The following SASH1 variants were observed in gnomAD, a reference collection of about 807,000 sequenced individuals.
The protein encoded by SASH1 is SAM and SH3 domain-containing protein 1.
A neutral mutation model predicts 125.2 loss-of-function variants in SASH1; 44 were observed. The ratio of observed to expected loss-of-function variants is 0.35; its 90% CI spans 0.28 to 0.45. The LOEUF is 0.45. Ranked by LOEUF, SASH1 falls within the 20% of genes least tolerant of loss-of-function variation. The probability of loss-of-function intolerance (pLI) is 1.00; values close to 1 mark genes in which losing one functional copy is unlikely to be tolerated. For synonymous variants in SASH1, 639 were observed against 649.1 expected, an observed-to-expected ratio of 0.98 and a Z score of 0.24; for missense variants, 1,426 against 1,614.5, an observed-to-expected ratio of 0.88 and a Z score of 2.00.
the SASH1 span, among the ~76,000 whole-genome samples, chr6:148,226,582 T>C: frequency 6.6e-6 from 1 of 152,280 alleles, no homozygotes; most frequent in African/African-American, 2.4e-5. Context: ...GTGGGGCACC[T>C]CCGGGGTTGG....
intron 7 of SASH1, among the ~76,000 whole-genome samples, chr6:148,478,325 G>A (rs1055051581): frequency 6.6e-6 from 1 of 152,066 alleles, no homozygotes; most frequent in African/African-American, 2.4e-5. Flanking sequence ...ACATATACAC[G>A]GTGGAACACT....
chr6:148,477,749 G>A (rs935328504), intron 7 of SASH1, among the ~76,000 whole-genome samples: 36 of 129,992 alleles, frequency 2.8e-4, no homozygotes, highest in Admixed American at 2.6e-3. Context: ...CCAGGTTGGA[G>A]TGCAATGGTG....
intron 8 of SASH1, among the ~76,000 whole-genome samples, chr6:148,505,783 A>C (rs1230536058): frequency 6.6e-6 from 1 of 151,806 alleles, no homozygotes; most frequent in East Asian, 1.9e-4. Flanking sequence ...GATTACAGGC[A>C]TGTGCCACCA....
chr6:148,419,522 C>G (rs1156385909), intron 2 of SASH1, among the ~76,000 whole-genome samples: 1 of 152,160 alleles, frequency 6.6e-6, no homozygotes, highest in Non-Finnish European at 1.5e-5. Flanking sequence ...ACAATCATAT[C>G]TCTAGGTTCA....
intron 7 of SASH1, among the ~76,000 whole-genome samples, chr6:148,485,901 G>A (rs1163640308): frequency 2.0e-5 from 3 of 152,124 alleles, no homozygotes; most frequent in African/African-American, 7.2e-5. Flanking sequence ...TTTGATCACT[G>A]TCTTAAATTC....
intron 16 of SASH1, among the ~76,000 whole-genome samples, chr6:148,538,925 G>T (rs1030898323): frequency 1.3e-5 from 2 of 152,160 alleles, no homozygotes; most frequent in Admixed American, 1.3e-4. Context: ...TACTTACTCT[G>T]CATAATAATG....
At chr6:148,206,600 G>T in the SASH1 span, among the ~76,000 whole-genome samples, 2 of 152,014 alleles carry the variant, frequency 1.3e-5, no homozygotes, top group African/African-American at 4.8e-5. Flanking sequence ...GACCAACCTG[G>T]CCAACATGGT....
intron 1 of SASH1, among the ~76,000 whole-genome samples, chr6:148,389,659 C>T (rs1167962321): frequency 6.6e-6 from 1 of 152,178 alleles, no homozygotes; most frequent in Non-Finnish European, 1.5e-5. Flanking sequence ...GGGAGGGGTC[C>T]TGACATCTCT....
chr6:148,505,633 TG>T (rs1268630746), intron 8 of SASH1, among the ~76,000 whole-genome samples: 2 of 148,816 alleles, frequency 1.3e-5, no homozygotes, highest in African/African-American at 5.0e-5. Context: ...TTTTTGTTGT[TG>T]TTTTTTTTTT....
chr6:148,315,021 G>T (rs9322142), intron 1 of SASH1, among the ~76,000 whole-genome samples: 42,755 of 152,026 alleles, frequency 0.28, 6,226 homozygotes, highest in African/African-American at 0.38. Context: ...GCCTCCCAAA[G>T]TGCTGGGATT....
At chr6:148,334,588 G>T (rs1332495558) in intron 1 of SASH1, among the ~76,000 whole-genome samples, 2 of 152,016 alleles carry the variant, frequency 1.3e-5, no homozygotes, top group Non-Finnish European at 2.9e-5. Context: ...GAGGCAGGCG[G>T]ATCACCTGAG....
chr6:148,234,070 C>A, the SASH1 span, among the ~76,000 whole-genome samples: 1 of 151,916 alleles, frequency 6.6e-6, no homozygotes, highest in African/African-American at 2.4e-5. Flanking sequence ...CAGGGTCTCA[C>A]TCTGTAGCCC....
the SASH1 span, among the ~76,000 whole-genome samples, chr6:148,247,786 A>C: frequency 6.6e-6 from 1 of 152,236 alleles, no homozygotes; most frequent in Non-Finnish European, 1.5e-5. Context: ...CTAAAACCGA[A>C]TGTTAAGTTA....
intron 2 of SASH1, among the ~76,000 whole-genome samples, chr6:148,414,924 G>A (rs1179641009): frequency 1.3e-5 from 2 of 152,126 alleles, no homozygotes; most frequent in East Asian, 1.9e-4. Context: ...GAATACAGGC[G>A]TCAGCCACTG....
At chr6:148,275,712 T>A (rs984367557) in intron 1 of SASH1, among the ~76,000 whole-genome samples, 1 of 152,226 alleles carries the variant, frequency 6.6e-6, no homozygotes, top group African/African-American at 2.4e-5. Context: ...GTATTTACAT[T>A]AATCACATTA....
At chr6:148,217,655 A>G in the SASH1 span, among the ~76,000 whole-genome samples, 1 of 152,020 alleles carries the variant, frequency 6.6e-6, no homozygotes, top group Non-Finnish European at 1.5e-5. Flanking sequence ...CTAAACTGCT[A>G]AGATGCTTCC....
chr6:148,448,128 GTGTGTGTGTGTA>G (rs1258759421), intron 4 of SASH1, among the ~76,000 whole-genome samples: 1 of 149,604 alleles, frequency 6.7e-6, no homozygotes, highest in African/African-American at 2.5e-5. Context: ...GTGTGTGTGT[GTGTGTGTGTGTA>G]TGTGTGTGTG....
chr6:148,213,681 C>T, the SASH1 span, among the ~76,000 whole-genome samples: 4 of 152,260 alleles, frequency 2.6e-5, no homozygotes, highest in East Asian at 7.7e-4. Flanking sequence ...GTCCTGAAAA[C>T]AGGCACTAGA....
At chr6:148,294,369 C>G (rs141982385) in intron 1 of SASH1, among the ~76,000 whole-genome samples, 43 of 152,266 alleles carry the variant, frequency 2.8e-4, no homozygotes, top group African/African-American at 9.1e-4. Flanking sequence ...AAATCCTGGA[C>G]CCTTTCCTTA....
Sources: gnomAD v4.1 joint callset for allele counts (sites outside exome capture counted in the v4.1 genomes callset) on GRCh38, gnomAD v4.1.1 for gene constraint, MANE v1.5 for transcripts, NCBI Gene and HGNC (gene_info 2026-07-23, HGNC 2026-07-21) for gene names.